The following IL1RAP variants were observed in gnomAD, a reference collection of about 807,000 sequenced individuals.
The protein encoded by IL1RAP is interleukin-1 receptor accessory protein.
In IL1RAP, 35 loss-of-function variants were observed where a neutral mutation model predicts 60.7. That is an observed-to-expected ratio of 0.58 (90% CI 0.44 to 0.76). IL1RAP has a LOEUF of 0.76. Among genes scored for constraint, IL1RAP ranks in the 30% least tolerant of loss-of-function variants. The pLI is 0.00. For missense variants in IL1RAP, 572 were observed against 693.9 expected, an observed-to-expected ratio of 0.82 and a Z score of 1.97; for synonymous variants, 268 against 250.9, an observed-to-expected ratio of 1.07 and a Z score of -0.64.
At chr3:190,548,071 G>A (rs1409132866) in intron 1 of IL1RAP, among the ~76,000 whole-genome samples, 5 of 152,088 alleles carry the variant, frequency 3.3e-5, no homozygotes, top group Admixed American at 3.3e-4. Context: ...CTCTGTGAAG[G>A]GACAACTGAC....
Position 190,544,483 on chromosome 3 carries a change from C to T in IL1RAP, c.-88-11647C>T, listed in dbSNP as rs1560154921. On this transcript the variant is annotated intron_variant, in intron 1 of 11. Transcript: ENST00000447382. ...CAAATTAGAAAATTGATTTGAATTTCCTACTTTTTTCCCAATTAAAAGTTC... is the reference window on the plus strand; with the variant it reads ...CAAATTAGAAAATTGATTTGAATTTTCTACTTTTTTCCCAATTAAAAGTTC... Among the ~76,000 whole-genome samples the T allele has an allele frequency of 7.2e-5, 11 of 152,272 alleles. No homozygotes were observed. In the South Asian group the frequency reaches 2.1e-3, roughly 29 times the overall value.
chr3:190,654,417 C>T (rs6795848), downstream of IL1RAP, among the ~76,000 whole-genome samples: 2,431 of 152,234 alleles, frequency 0.016, 70 homozygotes, highest in African/African-American at 0.056. Flanking sequence ...TGCACATGTG[C>T]ACACACTCGT....
intron 9 of IL1RAP, among the ~76,000 whole-genome samples, chr3:190,631,850 A>C (rs921140089): frequency 6.6e-6 from 1 of 151,812 alleles, no homozygotes; most frequent in Admixed American, 6.6e-5. Context: ...ACCTAGGCTG[A>C]AGTGCAGTGG....
At chr3:190,594,183 A>T (rs79261417) in intron 3 of IL1RAP, among the ~76,000 whole-genome samples, 13 of 152,222 alleles carry the variant, frequency 8.5e-5, no homozygotes, top group African/African-American at 3.1e-4. Context: ...GATTCAATAC[A>T]TCAGGATGGG....
chr3:190,516,930 A>G, intron 1 of IL1RAP, among the ~76,000 whole-genome samples: 1 of 152,234 alleles, frequency 6.6e-6, no homozygotes, highest in East Asian at 1.9e-4. Flanking sequence ...AACTCTGGGA[A>G]TACAGTTCAC....
At chr3:190,596,579 T>G (rs1729398207) in intron 3 of IL1RAP, among the ~76,000 whole-genome samples, 1 of 152,228 alleles carries the variant, frequency 6.6e-6, no homozygotes, top group South Asian at 2.1e-4. Flanking sequence ...CCATTAGTCC[T>G]CTGTGCCACC....
At chr3:190,554,060 C>CAAAAAA (rs1166716731) in intron 1 of IL1RAP, among the ~76,000 whole-genome samples, 3 of 87,910 alleles carry the variant, frequency 3.4e-5, no homozygotes, top group East Asian at 3.4e-4. Context: ...GACTCCGTCT[C>CAAAAAA]AAAAAAAAAA....
At chr3:190,517,598 C>G (rs1378047589) in intron 1 of IL1RAP, among the ~76,000 whole-genome samples, 18 of 152,184 alleles carry the variant, frequency 1.2e-4, no homozygotes. Flanking sequence ...TCTGCTGAGA[C>G]TTCTCATAGG....
chr3:190,537,074 G>A (rs1027332243), intron 1 of IL1RAP, among the ~76,000 whole-genome samples: 5 of 151,990 alleles, frequency 3.3e-5, no homozygotes, highest in Non-Finnish European at 7.4e-5. Context: ...AATTAACTTG[G>A]AACCTCTTAC....
At chr3:190,545,934 T>C (rs2108575042) in intron 1 of IL1RAP, among the ~76,000 whole-genome samples, 1 of 152,308 alleles carries the variant, frequency 6.6e-6, no homozygotes, top group African/African-American at 2.4e-5. Context: ...AAAATATTTT[T>C]GTGCTAATGG....
At chr3:190,523,511 T>C (rs1722257408) in intron 1 of IL1RAP, among the ~76,000 whole-genome samples, 1 of 152,080 alleles carries the variant, frequency 6.6e-6, no homozygotes, top group African/African-American at 2.4e-5. Context: ...CCTGATTCTC[T>C]CCCTCCTCCC....
At chr3:190,606,858 T>C (rs1054694836) in intron 4 of IL1RAP, among the ~76,000 whole-genome samples, 1 of 152,202 alleles carries the variant, frequency 6.6e-6, no homozygotes, top group African/African-American at 2.4e-5. Flanking sequence ...GTTAGTTTCG[T>C]CTTTCAGTAT....
chr3:190,609,783 G>C (rs1376914359), intron 5 of IL1RAP, among the ~76,000 whole-genome samples: 1 of 152,132 alleles, frequency 6.6e-6, no homozygotes, highest in African/African-American at 2.4e-5. Context: ...GTTATCCATA[G>C]GAACCACCTT....
chr3:190,649,501 A>C lies in IL1RAP; in HGVS notation c.*796A>C. On this transcript the variant is annotated 3_prime_UTR_variant, in exon 12 of 12. Transcript: ENST00000447382. Reference sequence around the variant, plus strand: ...GAGGCTCCATACTAGGTTCAGTCTGAAAGAAATCTCCTAATGGTGCTATAG... The same window carrying C: ...GAGGCTCCATACTAGGTTCAGTCTGCAAGAAATCTCCTAATGGTGCTATAG... 1.0e-6 allele frequency: 1 copy of C among 985,870 alleles called. No homozygotes were observed. The highest frequency in any genetic ancestry group is 1.2e-6 in the Non-Finnish European group (1 of 829,926). The allele number at this position is 985,870 out of a possible 1,614,324, so 61.1% of individuals were successfully genotyped here. A position where few individuals can be genotyped will look rare whatever the true frequency, so the allele number is the denominator to read the frequency against.
At chr3:190,655,909 G>T (rs781409491), downstream of IL1RAP, 17 of 1,536,866 alleles carry the variant, frequency 1.1e-5, no homozygotes, top group South Asian at 4.8e-5. Flanking sequence ...AGCAGTTTTT[G>T]ATTTCATTCA....
At chr3:190,659,007 G>C (rs1430605266) in exon 12 of IL1RAP, 1 of 152,138 alleles carries the variant, frequency 6.6e-6, no homozygotes, top group Admixed American at 6.5e-5. Context: ...AGAACCTTCA[G>C]TTGGAAGACA....
rs138967210 is a variant in IL1RAP, at chr3:190,604,194, G to T, written c.131G>T (p.Arg44Leu). The T allele has an allele frequency of 2.7e-5, 44 of 1,614,028 alleles. No homozygotes were observed. The East Asian group carries it at 6.0e-4, about 22-fold the overall frequency. ...QIQVFEDEPA[R>L]IKCPLFEHFL... ...CAAGTGTTTGAAGATGAGCCAGCTC[G>T]CATCAAGTGCCCACTCTTTGAACAC... is the stretch of plus-strand genomic sequence containing the variant. Residue 44 changes from arginine (R) to leucine (L), a missense_variant, in exon 4 of 12, where the codon CGC (arginine) becomes CTC (leucine). Coordinates refer to ENST00000447382, the MANE Select transcript of IL1RAP (RefSeq NM_002182.4).
At chr3:190,520,358 A>G (rs1005620474) in intron 1 of IL1RAP, 1 of 152,198 alleles carries the variant, frequency 6.6e-6, no homozygotes, top group African/African-American at 2.4e-5. Flanking sequence ...TCTACAGACT[A>G]ATAAAGTAGT....
chr3:190,572,869 T>TTTTTTG (rs1727076321), intron 3 of IL1RAP, among the ~76,000 whole-genome samples: 1 of 36,982 alleles, frequency 2.7e-5, no homozygotes, highest in African/African-American at 1.1e-4. Context: ...GTTTTTTTTT[T>TTTTTTG]TTTTTTTTTT....
Sources: gnomAD v4.1 joint callset for allele counts (sites outside exome capture counted in the v4.1 genomes callset) on GRCh38, gnomAD v4.1.1 for gene constraint, MANE v1.5 for transcripts, NCBI Gene and HGNC (gene_info 2026-07-23, HGNC 2026-07-21) for gene names.